The following CSMD1 variants were observed in gnomAD, a reference collection of about 807,000 sequenced individuals.
CSMD1 encodes the protein CUB and Sushi multiple domains 1.
A neutral mutation model predicts 417.5 loss-of-function variants in CSMD1; 213 were observed. The ratio of observed to expected loss-of-function variants is 0.51; its 90% CI spans 0.46 to 0.57. CSMD1 has a LOEUF of 0.57. CSMD1 is among the 20% of genes least tolerant of loss of function. CSMD1 has a pLI of 0.00. For missense variants in CSMD1, 6,923 were observed against 4,529.7 expected, an observed-to-expected ratio of 1.53 and a Z score of -15.17; for synonymous variants, 2,862 against 1,736.8, an observed-to-expected ratio of 1.65 and a Z score of -16.11.
At chr8:4,830,378 A>G (rs1239704586) in intron 1 of CSMD1, among the ~76,000 whole-genome samples, 3 of 152,262 alleles carry the variant, frequency 2.0e-5, no homozygotes, top group African/African-American at 4.8e-5. Flanking sequence ...CTGTGAAAAA[A>G]TAACACTTAT....
chr8:3,857,128 C>G (rs979190398), intron 5 of CSMD1, among the ~76,000 whole-genome samples: 3 of 151,796 alleles, frequency 2.0e-5, no homozygotes, highest in Non-Finnish European at 2.9e-5. Context: ...GTAACTAAGA[C>G]AAAGTTGTCT....
chr8:4,778,061 A>G (rs772571621), intron 1 of CSMD1, among the ~76,000 whole-genome samples: 5 of 152,224 alleles, frequency 3.3e-5, no homozygotes, highest in Non-Finnish European at 4.4e-5. Flanking sequence ...ACACATAAAC[A>G]CACACAGGCA....
chr8:4,375,285 CA>C (rs1802659924), intron 3 of CSMD1, among the ~76,000 whole-genome samples: 1 of 152,034 alleles, frequency 6.6e-6, no homozygotes, highest in Admixed American at 6.6e-5. Context: ...GGAAAAGACA[CA>C]AAAAAGTGTC....
At chr8:3,697,446 T>A (rs996860640) in intron 7 of CSMD1, among the ~76,000 whole-genome samples, 3 of 152,250 alleles carry the variant, frequency 2.0e-5, no homozygotes, top group African/African-American at 7.2e-5. Context: ...CAAGGCTAAT[T>A]AATTATCTTG....
chr8:3,720,160 C>T (rs1423273683), intron 6 of CSMD1, among the ~76,000 whole-genome samples: 1 of 152,214 alleles, frequency 6.6e-6, no homozygotes, highest in Non-Finnish European at 1.5e-5. Flanking sequence ...AACTTCACCG[C>T]ACACAGGAAG....
rs369424519 is a variant in CSMD1 at position 3,188,944 on chromosome 8, G to A, written c.5466C>T (p.Tyr1822=). 6.1e-5 allele frequency: 98 copies of A among 1,611,850 alleles called. No homozygotes were observed. Among genetic ancestry groups the A allele is most frequent in the Non-Finnish European group, 7.9e-5 (93 of 1,178,952 alleles). Residue 1822 remains tyrosine (Y), a synonymous_variant, in exon 35 of 70, where the codon TAC becomes TAT. Transcript: ENST00000635120. ...TILSPGYPEP[Y]GNNLNCIWKI... is the part of the protein sequence containing the mutation. ...TCCATATACAGTTCAAGTTGTTTCC[G>A]TATGGCTCAGGGTAGCCGGGGGACA... is the stretch of plus-strand genomic sequence containing the variant.
intron 1 of CSMD1, among the ~76,000 whole-genome samples, chr8:4,911,421 A>C (rs1805662285): frequency 6.6e-6 from 1 of 152,192 alleles, no homozygotes; most frequent in South Asian, 2.1e-4. Context: ...TTGACCTCTG[A>C]CACAGCATAT....
intron 7 of CSMD1, among the ~76,000 whole-genome samples, chr8:3,674,233 G>C (rs1322878362): frequency 6.6e-6 from 1 of 152,140 alleles, no homozygotes; most frequent in African/African-American, 2.4e-5. Context: ...ATTGTATTAT[G>C]GTTGACTTCA....
intron 1 of CSMD1, among the ~76,000 whole-genome samples, chr8:4,864,899 C>A (rs1033394864): frequency 1.3e-4 from 19 of 149,030 alleles, no homozygotes; most frequent in African/African-American, 4.0e-4. Flanking sequence ...CACACACAAA[C>A]ACACACACAC....
intron 1 of CSMD1, among the ~76,000 whole-genome samples, chr8:4,807,324 A>C (rs1798647106): frequency 6.6e-6 from 1 of 152,164 alleles, no homozygotes; most frequent in South Asian, 2.1e-4. Context: ...TTCCAAGGGT[A>C]GGGTGACAGC....
intron 3 of CSMD1, among the ~76,000 whole-genome samples, chr8:4,130,469 G>A (rs907696659): frequency 6.6e-6 from 1 of 152,138 alleles, no homozygotes; most frequent in African/African-American, 2.4e-5. Context: ...AATTGCTGAA[G>A]CTTTTGAGTG....
rs143478687 is a variant in CSMD1 at position 3,383,859 on chromosome 8, T to G, written c.2782+3635A>C. 5.1e-3 allele frequency among the ~76,000 whole-genome samples: 772 copies of G among 152,182 alleles called. 3 individuals carry two copies. Among genetic ancestry groups the G allele is most frequent in the Non-Finnish European group, 8.8e-3 (599 of 68,004 alleles). On this transcript the variant is annotated intron_variant, in intron 18 of 69. Transcript: ENST00000635120. ...CAAACAGTAGAATGAAATAAAAACTTTTGATATGTTTAAGCAATAATATTA... is the reference window on the plus strand; with the variant it reads ...CAAACAGTAGAATGAAATAAAAACTGTTGATATGTTTAAGCAATAATATTA...
At chr8:3,260,082 C>T (rs1240599889) in intron 26 of CSMD1, among the ~76,000 whole-genome samples, 1 of 152,080 alleles carries the variant, frequency 6.6e-6, no homozygotes, top group Non-Finnish European at 1.5e-5. Flanking sequence ...AATTTTTTTG[C>T]ATTTATATGG....
intron 57 of CSMD1, among the ~76,000 whole-genome samples, chr8:2,967,446 C>A (rs1220953851): frequency 6.6e-6 from 1 of 152,174 alleles, no homozygotes; most frequent in Non-Finnish European, 1.5e-5. Context: ...ACACTCTGTG[C>A]CTATTTTTTA....
intron 3 of CSMD1, among the ~76,000 whole-genome samples, chr8:4,331,712 A>G (rs1004173166): frequency 1.3e-5 from 2 of 152,096 alleles, no homozygotes; most frequent in South Asian, 2.1e-4. Flanking sequence ...TTGTTTTCCT[A>G]AAGGCTTCAC....
chr8:3,786,987 G>A (rs950091623), intron 5 of CSMD1, among the ~76,000 whole-genome samples: 1 of 152,098 alleles, frequency 6.6e-6, no homozygotes, highest in Non-Finnish European at 1.5e-5. Context: ...ATTAGATGAG[G>A]GCATGGAAGC....
chr8:4,273,997 G>A (rs1374170977), intron 3 of CSMD1, among the ~76,000 whole-genome samples: 2 of 152,084 alleles, frequency 1.3e-5, no homozygotes, highest in Admixed American at 6.6e-5. Context: ...AGTGATAACC[G>A]CATGCATTTT....
At chr8:3,681,063 CA>C (rs57601821) in intron 7 of CSMD1, among the ~76,000 whole-genome samples, 147 of 152,228 alleles carry the variant, frequency 9.7e-4, no homozygotes, top group East Asian at 9.3e-3. Flanking sequence ...CTATTTAAGA[CA>C]AACCCACAGC....
chr8:3,744,554 G>C (rs1244648600), intron 6 of CSMD1, among the ~76,000 whole-genome samples: 3 of 152,116 alleles, frequency 2.0e-5, no homozygotes, highest in Non-Finnish European at 2.9e-5. Flanking sequence ...TTTCATGTCA[G>C]ACTCCCATGA....
Sources: allele counts gnomAD v4.1 joint callset (sites outside exome capture counted in the v4.1 genomes callset), GRCh38; gene constraint gnomAD v4.1.1; transcripts MANE v1.5; gene names NCBI Gene and HGNC (gene_info 2026-07-23, HGNC 2026-07-21).